SIAH3: variants seen among roughly 807,000 people sequenced by gnomAD.
SIAH3 encodes the protein seven in absentia homolog 3.
Under a neutral mutation model 12.6 loss-of-function variants are expected in SIAH3, and 9 were observed. That is an observed-to-expected ratio of 0.72 (90% CI 0.43 to 1.25). The LOEUF is 1.25. SIAH3 is among the 50% of genes most tolerant of loss of function. The pLI, the probability that SIAH3 is intolerant of heterozygous loss-of-function variation, is 0.00. For synonymous variants in SIAH3, 154 were observed against 151.1 expected (o/e 1.02, Z -0.14); for missense variants, 390 against 365.4 (o/e 1.07, Z -0.55).
intron 1 of SIAH3, among the ~76,000 whole-genome samples, chr13:45,800,496 C>T (rs912065185): frequency 2.6e-5 from 4 of 152,208 alleles, no homozygotes; most frequent in African/African-American, 9.6e-5. Flanking sequence ...TGTCTTTTCT[C>T]AGAGTCACTG....
At chr13:45,839,225 CTT>C (rs11285230) in intron 1 of SIAH3, among the ~76,000 whole-genome samples, 32 of 149,118 alleles carry the variant, frequency 2.1e-4, no homozygotes, top group African/African-American at 2.7e-4. Context: ...TTCTCCTCTT[CTT>C]TTTTTTTTTT....
intron 1 of SIAH3, among the ~76,000 whole-genome samples, chr13:45,821,564 A>T (rs1175362672): frequency 2.0e-5 from 3 of 152,230 alleles, no homozygotes; most frequent in African/African-American, 7.2e-5. Context: ...CCATCAAAAA[A>T]ATTTGGTGTC....
chr13:45,832,754 T>A (rs1950704117), intron 1 of SIAH3, among the ~76,000 whole-genome samples: 1 of 152,218 alleles, frequency 6.6e-6, no homozygotes, highest in South Asian at 2.1e-4. Context: ...TTCATACTAT[T>A]TTTTATAGCA....
chr13:45,824,593 G>A (rs1053400446), intron 1 of SIAH3, among the ~76,000 whole-genome samples: 1 of 152,164 alleles, frequency 6.6e-6, no homozygotes, highest in Non-Finnish European at 1.5e-5. Flanking sequence ...CTCCCTAGAT[G>A]ATTCCAACAT....
intron 1 of SIAH3, among the ~76,000 whole-genome samples, chr13:45,815,473 T>G (rs945597512): frequency 6.6e-6 from 1 of 152,210 alleles, no homozygotes; most frequent in Non-Finnish European, 1.5e-5. Flanking sequence ...CTGTGGACTT[T>G]GAACTTACCA....
intron 1 of SIAH3, among the ~76,000 whole-genome samples, chr13:45,809,764 T>A (rs1393502742): frequency 6.6e-6 from 1 of 152,252 alleles, no homozygotes; most frequent in Non-Finnish European, 1.5e-5. Context: ...TGGTTATCTC[T>A]GGGTGGAATT....
intron 1 of SIAH3, among the ~76,000 whole-genome samples, chr13:45,849,355 A>G (rs1443287505): frequency 6.6e-6 from 1 of 152,198 alleles, no homozygotes; most frequent in African/African-American, 2.4e-5. Context: ...ATCCATTTTT[A>G]TGTTGCTGAT....
chr13:45,783,368 C>A lies in SIAH3; in HGVS notation c.*15G>T. ...CCTAGGGAGGCTGTGTGGGGAGCATCCGTGGCTCCTGGCCTCACATTTCAG... is the reference window on the plus strand; with the variant it reads ...CCTAGGGAGGCTGTGTGGGGAGCATACGTGGCTCCTGGCCTCACATTTCAG... On this transcript the variant is annotated 3_prime_UTR_variant, in exon 2 of 2. Transcript: ENST00000400405. 1 of 1,596,556 alleles carries A rather than the reference C, an allele frequency of 6.3e-7. No individual in the cohort carries two copies. The highest frequency in any genetic ancestry group is 8.6e-7 in the Non-Finnish European group (1 of 1,167,904).
chr13:45,784,103 TCC>T (rs1213696492), intron 1 of SIAH3, 46 bp from the exon 2 acceptor site: 2 of 1,508,108 alleles, frequency 1.3e-6, no homozygotes, highest in African/African-American at 2.8e-5. Context: ...AGGCCCACTC[TCC>T]CAGGCCGCCA....
At chr13:45,836,214 G>C (rs1950717168) in intron 1 of SIAH3, among the ~76,000 whole-genome samples, 1 of 152,208 alleles carries the variant, frequency 6.6e-6, no homozygotes, top group South Asian at 2.1e-4. Flanking sequence ...ACTAGGACTT[G>C]AAAAGTCCTG....
intron 1 of SIAH3, among the ~76,000 whole-genome samples, chr13:45,785,086 G>GT (rs1950523503): frequency 1.3e-5 from 2 of 152,208 alleles, no homozygotes; most frequent in African/African-American, 4.8e-5. Context: ...AAACTGGTAA[G>GT]TGAAAGACTG....
At chr13:45,793,570 C>T (rs1358694302) in intron 1 of SIAH3, among the ~76,000 whole-genome samples, 1 of 152,186 alleles carries the variant, frequency 6.6e-6, no homozygotes, top group Non-Finnish European at 1.5e-5. Context: ...CCCACTGTAT[C>T]CGAAGTGTCA....
chr13:45,817,511 G>C (rs1950638793), intron 1 of SIAH3, among the ~76,000 whole-genome samples: 1 of 152,222 alleles, frequency 6.6e-6, no homozygotes, highest in African/African-American at 2.4e-5. Context: ...TTGAGATGTG[G>C]AGATATCCTG....
intron 1 of SIAH3, among the ~76,000 whole-genome samples, chr13:45,796,035 C>T (rs940584181): frequency 2.0e-5 from 3 of 152,190 alleles, no homozygotes; most frequent in African/African-American, 7.2e-5. Flanking sequence ...TCTATAGTGA[C>T]AGAGGCTTGA....
chr13:45,817,184 C>T (rs769401671), intron 1 of SIAH3, among the ~76,000 whole-genome samples: 2 of 152,202 alleles, frequency 1.3e-5, no homozygotes, highest in Non-Finnish European at 2.9e-5. Flanking sequence ...AATGGTCATC[C>T]CATAAGATTA....
chr13:45,835,998 G>A (rs888427165), intron 1 of SIAH3, among the ~76,000 whole-genome samples: 1 of 152,134 alleles, frequency 6.6e-6, no homozygotes. Context: ...CATCTACTAT[G>A]CACCCACTAT....
At chr13:45,787,394 C>A (rs917302866) in intron 1 of SIAH3, among the ~76,000 whole-genome samples, 16 of 152,140 alleles carry the variant, frequency 1.1e-4, no homozygotes, top group African/African-American at 3.9e-4. Context: ...AGAATAAGCT[C>A]CTTGTTCCTA....
At chr13:45,811,948 T>C (rs565404635) in intron 1 of SIAH3, among the ~76,000 whole-genome samples, 2 of 152,336 alleles carry the variant, frequency 1.3e-5, no homozygotes, top group Non-Finnish European at 2.9e-5. Flanking sequence ...GGTTCTGGCC[T>C]GGGCATGCCT....
intron 1 of SIAH3, among the ~76,000 whole-genome samples, chr13:45,803,278 A>G (rs1298045599): frequency 2.6e-5 from 4 of 152,194 alleles, no homozygotes; most frequent in African/African-American, 9.6e-5. Context: ...TCATTCATTC[A>G]TTCGTTCATC....
Sources: gnomAD v4.1 joint callset for allele counts (sites outside exome capture counted in the v4.1 genomes callset) on GRCh38, gnomAD v4.1.1 for gene constraint, MANE v1.5 for transcripts, NCBI Gene and HGNC (gene_info 2026-07-23, HGNC 2026-07-21) for gene names.